MAP2K1: variants seen among roughly 807,000 people sequenced by gnomAD.
The protein encoded by MAP2K1 is mitogen-activated protein kinase kinase 1.
Under a neutral mutation model 46.3 loss-of-function variants are expected in MAP2K1, and 16 were observed. The ratio of observed to expected loss-of-function variants is 0.35; its 90% CI spans 0.23 to 0.52. The LOEUF (loss-of-function observed/expected upper bound fraction) is 0.52, where lower values mean the gene tolerates loss of function less well. Ranked by LOEUF, MAP2K1 falls within the 20% of genes least tolerant of loss-of-function variation. The pLI, the probability that MAP2K1 is intolerant of heterozygous loss-of-function variation, is 0.94. For missense variants in MAP2K1, 263 were observed against 497.1 expected, an observed-to-expected ratio of 0.53 and a Z score of 4.48; for synonymous variants, 183 against 185.6, an observed-to-expected ratio of 0.99 and a Z score of 0.11.
chr15:66,488,126 G>A (rs8033710), intron 8 of MAP2K1, among the ~76,000 whole-genome samples: 2,006 of 152,186 alleles, frequency 0.013, 42 homozygotes, highest in African/African-American at 0.046. Context: ...TTCTACTGCA[G>A]CCTCTGCTGG....
intron 1 of MAP2K1, among the ~76,000 whole-genome samples, chr15:66,418,666 ATT>A (rs1254305858): frequency 3.5e-5 from 5 of 142,074 alleles, no homozygotes; most frequent in African/African-American, 5.1e-5. Context: ...TGCTGACCAC[ATT>A]TTTTTTTTTT....
intron 5 of MAP2K1, among the ~76,000 whole-genome samples, chr15:66,456,692 C>A (rs1172105249): frequency 1.3e-5 from 2 of 152,226 alleles, no homozygotes; most frequent in African/African-American, 4.8e-5. Context: ...AGTGCTTGCC[C>A]ATGGCTGGAC....
intron 5 of MAP2K1, among the ~76,000 whole-genome samples, chr15:66,449,723 T>C (rs958447079): frequency 1.3e-5 from 2 of 151,956 alleles, no homozygotes; most frequent in African/African-American, 2.4e-5. Context: ...CTACTAAAAA[T>C]ACAAAAATTA....
chr15:66,417,148 A>C (rs146394496), intron 1 of MAP2K1, among the ~76,000 whole-genome samples: 1 of 152,298 alleles, frequency 6.6e-6, no homozygotes, highest in Non-Finnish European at 1.5e-5. Flanking sequence ...AGAAGCAAGC[A>C]CTATCAGTTT....
chr15:66,413,524 A>T (rs191697222), intron 1 of MAP2K1, among the ~76,000 whole-genome samples: 102 of 152,384 alleles, frequency 6.7e-4, no homozygotes, highest in Middle Eastern at 3.4e-3. Flanking sequence ...ATAAGAAAAA[A>T]GATTATGGCA....
intron 1 of MAP2K1, among the ~76,000 whole-genome samples, chr15:66,403,170 A>G (rs2093386550): frequency 6.6e-6 from 1 of 152,208 alleles, no homozygotes; most frequent in Non-Finnish European, 1.5e-5. Flanking sequence ...TTTTTATGGT[A>G]CATATTACAT....
intron 5 of MAP2K1, among the ~76,000 whole-genome samples, chr15:66,455,305 C>G (rs1316168543): frequency 6.6e-6 from 1 of 152,214 alleles, no homozygotes; most frequent in Admixed American, 6.5e-5. Context: ...GTTTATAACA[C>G]AAGGTGCTCT....
chr15:66,480,577 A>T (rs1026852032), intron 5 of MAP2K1, among the ~76,000 whole-genome samples: 4 of 152,214 alleles, frequency 2.6e-5, no homozygotes, highest in Non-Finnish European at 5.9e-5. Context: ...GTCTAAAAAA[A>T]AATAATAATA....
chr15:66,387,818 G>T (rs183781534), intron 1 of MAP2K1, among the ~76,000 whole-genome samples: 1 of 152,274 alleles, frequency 6.6e-6, no homozygotes, highest in East Asian at 1.9e-4. Flanking sequence ...AATTAAGATC[G>T]CATCTGTGCT....
At chr15:66,489,088 C>G in intron 8 of MAP2K1, 127 bp from the exon 9 acceptor site, 2 of 764,760 alleles carry the variant, frequency 2.6e-6, no homozygotes, top group South Asian at 2.8e-5. Context: ...GAGAGTAGTA[C>G]TGCCTTTGGA....
intron 5 of MAP2K1, among the ~76,000 whole-genome samples, chr15:66,473,344 G>A (rs1426243643): frequency 6.6e-6 from 1 of 152,144 alleles, no homozygotes; most frequent in Non-Finnish European, 1.5e-5. Flanking sequence ...GGAGGCTGAG[G>A]CAGTAGGCTT....
In MAP2K1 at chr15:66,437,973, G is replaced by C. The variant is rs16949954; in HGVS notation, c.438+1081G>C. Among the ~76,000 whole-genome samples, 702 of 150,272 alleles carry C rather than the reference G, an allele frequency of 4.7e-3. 7 individuals carry two copies. The highest frequency in any genetic ancestry group is 0.016 in the African/African-American group (665 of 40,954). On this transcript the variant is annotated intron_variant, in intron 3 of 10. Coordinates refer to ENST00000307102, the MANE Select transcript of MAP2K1 (RefSeq NM_002755.4). The stretch of plus-strand genomic sequence containing the variant: ...CTGATTATTTTCTGCTTGGGTCTTG[G>C]CTTCCCCTCAGGGAGCTGTTTCTTA...
At chr15:66,392,922 A>G (rs1358317546) in intron 1 of MAP2K1, among the ~76,000 whole-genome samples, 3 of 151,850 alleles carry the variant, frequency 2.0e-5, no homozygotes, top group African/African-American at 7.3e-5. Context: ...TGTCTAGTTC[A>G]TTATTTCTCT....
intron 1 of MAP2K1, among the ~76,000 whole-genome samples, chr15:66,426,694 C>T (rs974887205): frequency 4.6e-5 from 7 of 152,162 alleles, no homozygotes; most frequent in South Asian, 2.1e-4. Context: ...TCTGTGCCTG[C>T]GAAATAGGTG....
intron 1 of MAP2K1, among the ~76,000 whole-genome samples, chr15:66,419,045 C>A (rs1398717798): frequency 1.5e-4 from 22 of 148,038 alleles, no homozygotes; most frequent in Non-Finnish European, 2.7e-4. Context: ...TGGCTCACTG[C>A]AACCTCTGCC....
intron 1 of MAP2K1, among the ~76,000 whole-genome samples, chr15:66,417,908 A>ACGC (rs1263768171): frequency 3.3e-5 from 5 of 152,142 alleles, no homozygotes; most frequent in Non-Finnish European, 7.4e-5. Context: ...GCTTCTGGGC[A>ACGC]CTGGCTACTG....
intron 5 of MAP2K1, among the ~76,000 whole-genome samples, chr15:66,456,754 T>C (rs914169699): frequency 1.3e-5 from 2 of 152,230 alleles, no homozygotes; most frequent in Admixed American, 6.5e-5. Context: ...CCCTGGGTTA[T>C]ACACTCACCC....
intron 5 of MAP2K1, among the ~76,000 whole-genome samples, chr15:66,473,386 G>A (rs1892684716): frequency 6.6e-6 from 1 of 152,088 alleles, no homozygotes; most frequent in South Asian, 2.1e-4. Context: ...ACCAGCCTGG[G>A]CAAAGCTGGG....
chr15:66,489,647 C>A (rs1893173098), intron 9 of MAP2K1, 71 bp from the exon 10 acceptor site: 20 of 1,133,668 alleles, frequency 1.8e-5, no homozygotes, highest in Non-Finnish European at 2.7e-5. Flanking sequence ...AGAAGACAGG[C>A]ATGCAAACAT....
Sources: gnomAD v4.1 joint callset for allele counts (sites outside exome capture counted in the v4.1 genomes callset) on GRCh38, gnomAD v4.1.1 for gene constraint, MANE v1.5 for transcripts, NCBI Gene and HGNC (gene_info 2026-07-23, HGNC 2026-07-21) for gene names.